The following SPINK4 variants were observed in gnomAD, a reference collection of about 807,000 sequenced individuals.
SPINK4 encodes serine peptidase inhibitor Kazal type 4.
In SPINK4, 10 loss-of-function variants were observed where a neutral mutation model predicts 12.3. That is an observed-to-expected ratio of 0.81 (90% CI 0.50 to 1.37). The LOEUF is 1.37. Among genes scored for constraint, SPINK4 ranks in the 40% most tolerant of loss-of-function variants. SPINK4 has a pLI of 0.00. For synonymous variants in SPINK4, 37 were observed against 40.2 expected (o/e 0.92, Z 0.30); for missense variants, 91 against 109.0 (o/e 0.84, Z 0.73).
intron 1 of SPINK4, among the ~76,000 whole-genome samples, chr9:33,242,616 T>C (rs1346182838): frequency 6.6e-6 from 1 of 152,150 alleles, no homozygotes; most frequent in African/African-American, 2.4e-5. Flanking sequence ...GGCTTAGTGA[T>C]CAGGACAGGG....
At chr9:33,241,725 C>T (rs1820236629) in intron 1 of SPINK4, among the ~76,000 whole-genome samples, 1 of 152,080 alleles carries the variant, frequency 6.6e-6, no homozygotes, top group Non-Finnish European at 1.5e-5. Context: ...AGACTACTGC[C>T]TGGGCTGAGT....
At chr9:33,240,946 T>A (rs1820228568) in intron 1 of SPINK4, among the ~76,000 whole-genome samples, 1 of 152,212 alleles carries the variant, frequency 6.6e-6, no homozygotes, top group Non-Finnish European at 1.5e-5. Context: ...ACAAGATGGT[T>A]ACAATGTATG....
intron 1 of SPINK4, among the ~76,000 whole-genome samples, chr9:33,242,798 A>G (rs1412352779): frequency 6.6e-6 from 1 of 152,130 alleles, no homozygotes; most frequent in Non-Finnish European, 1.5e-5. Flanking sequence ...GGGAAGAAAA[A>G]TAAATACAGA....
At chr9:33,243,348 C>T (rs1820257818) in intron 1 of SPINK4, among the ~76,000 whole-genome samples, 1 of 152,126 alleles carries the variant, frequency 6.6e-6, no homozygotes, top group Non-Finnish European at 1.5e-5. Context: ...GCTGGGATTA[C>T]AGGTGTGTGC....
intron 1 of SPINK4, among the ~76,000 whole-genome samples, chr9:33,243,995 C>T (rs933103015): frequency 1.3e-5 from 2 of 152,130 alleles, no homozygotes; most frequent in African/African-American, 2.4e-5. Flanking sequence ...TGCTTCCCTG[C>T]AGCCTCCTCA....
chr9:33,244,572 G>A (rs1250835168), intron 1 of SPINK4, among the ~76,000 whole-genome samples: 1 of 152,136 alleles, frequency 6.6e-6, no homozygotes, highest in East Asian at 1.9e-4. Context: ...CCTGGGTAGT[G>A]GATGCAGCCC....
intron 1 of SPINK4, 112 bp downstream of exon 1, chr9:33,240,381 C>G (rs1307625034): frequency 8.5e-6 from 8 of 936,388 alleles, no homozygotes; most frequent in Non-Finnish European, 1.2e-5. Flanking sequence ...TTTCCATGTA[C>G]CTTCATTCTG....
At chr9:33,247,403 A>T (rs1008410928) in intron 3 of SPINK4, among the ~76,000 whole-genome samples, 1 of 151,542 alleles carries the variant, frequency 6.6e-6, no homozygotes, top group Non-Finnish European at 1.5e-5. Flanking sequence ...CCCGATCTCA[A>T]GTGATCCACC....
chr9:33,241,418 G>C (rs141175943), intron 1 of SPINK4, among the ~76,000 whole-genome samples: 1 of 152,156 alleles, frequency 6.6e-6, no homozygotes, highest in Non-Finnish European at 1.5e-5. Context: ...ACAGGGAAGC[G>C]GGGAGACCAG....
chr9:33,246,646 A>G lies in SPINK4; in HGVS notation c.133A>G (p.Thr45Ala), dbSNP rs776559974. 13 of 1,613,824 alleles carry G rather than the reference A, an allele frequency of 8.1e-6. No homozygotes were observed. The East Asian group carries it at 2.9e-4, about 36-fold the overall frequency. ...CTGTGAACACATGGTAGAGTCTCCA[A>G]CCTGTTCCCAGATGTCCAACCTGGT... ...PICEHMVESPTCSQMSNLVCG... is the reference protein window; with the variant it reads ...PICEHMVESPACSQMSNLVCG... The change falls in exon 3 of 4, where the codon ACC becomes GCC. Residue 45 changes from threonine (T) to alanine (A), a missense_variant. By Grantham distance (58) the Thr-to-Ala change is moderately conservative. Transcript: ENST00000379721.
intron 1 of SPINK4, among the ~76,000 whole-genome samples, chr9:33,242,424 C>T (rs1322079518): frequency 1.4e-5 from 2 of 144,708 alleles, no homozygotes; most frequent in Non-Finnish European, 3.0e-5. Context: ...AGAACGGAGA[C>T]GAAGACATTT....
intron 2 of SPINK4, among the ~76,000 whole-genome samples, 184 bp downstream of exon 2, chr9:33,245,336 C>G (rs867295326): frequency 6.6e-6 from 1 of 152,184 alleles, no homozygotes; most frequent in Non-Finnish European, 1.5e-5. Flanking sequence ...GTAGGCCCAG[C>G]CCCCTCACCC....
chr9:33,248,076 T>C, intron 3 of SPINK4: 1 of 260,670 alleles, frequency 3.8e-6, no homozygotes, highest in Non-Finnish European at 7.4e-6. Flanking sequence ...ACCAGTTCTG[T>C]GGGGGGCAGT....
intron 1 of SPINK4, among the ~76,000 whole-genome samples, 155 bp from the exon 2 acceptor site, chr9:33,244,957 G>A (rs1460123251): frequency 6.6e-6 from 1 of 152,078 alleles, no homozygotes; most frequent in East Asian, 1.9e-4. Context: ...CAGCTTTCTG[G>A]CAGCCCCATT....
At chr9:33,240,542 A>C (rs2117865048) in intron 1 of SPINK4, among the ~76,000 whole-genome samples, 1 of 152,334 alleles carries the variant, frequency 6.6e-6, no homozygotes, top group African/African-American at 2.4e-5. Context: ...GTTCCAGTTC[A>C]AAGCTGCACT....
chr9:33,244,145 CAT>C (rs1820264012), intron 1 of SPINK4, among the ~76,000 whole-genome samples: 1 of 152,228 alleles, frequency 6.6e-6, no homozygotes, highest in Non-Finnish European at 1.5e-5. Flanking sequence ...TGCCATTAGA[CAT>C]AGCTCCAGTT....
chr9:33,242,882 T>C lies in SPINK4; in HGVS notation c.62-2230T>C, dbSNP rs1441321190. 1.3e-5 allele frequency among the ~76,000 whole-genome samples: 2 copies of C among 150,702 alleles called. 1 individual carries two copies. Among genetic ancestry groups the C allele is most frequent in the Admixed American group, 1.3e-4 (2 of 15,140 alleles). On this transcript the variant is annotated intron_variant, in intron 1 of 3. Transcript: ENST00000379721. The stretch of plus-strand genomic sequence containing the variant: ...CCATCCCAGTGCTCTGACACTTTTT[T>C]TTTTTTTTTAAGAGACAAAGTCTCA...
chr9:33,244,677 A>C (rs1820268883), intron 1 of SPINK4, among the ~76,000 whole-genome samples: 2 of 152,186 alleles, frequency 1.3e-5, no homozygotes, highest in South Asian at 4.1e-4. Context: ...TGAGTGCCTC[A>C]GACTTGCGCG....
chr9:33,243,134 C>T (rs377243359), intron 1 of SPINK4, among the ~76,000 whole-genome samples: 4 of 152,184 alleles, frequency 2.6e-5, no homozygotes, highest in South Asian at 4.1e-4. Context: ...AGTCCAGTGG[C>T]ACAATCTTGG....
Sources: gnomAD v4.1 joint callset for allele counts (sites outside exome capture counted in the v4.1 genomes callset) on GRCh38, gnomAD v4.1.1 for gene constraint, MANE v1.5 for transcripts, NCBI Gene and HGNC (gene_info 2026-07-23, HGNC 2026-07-21) for gene names.